RBFOX1: variants seen among roughly 807,000 people sequenced by gnomAD.
The protein encoded by RBFOX1 is RNA binding protein fox-1 homolog 1.
Under a neutral mutation model 57.7 loss-of-function variants are expected in RBFOX1, and 8 were observed. That is an observed-to-expected ratio of 0.14 (90% CI 0.08 to 0.25). The LOEUF (loss-of-function observed/expected upper bound fraction) is 0.25, where lower values mean the gene tolerates loss of function less well. Among genes scored for constraint, RBFOX1 ranks in the 10% least tolerant of loss-of-function variants. RBFOX1 has a pLI of 1.00. For missense variants in RBFOX1, 611 were observed against 548.5 expected (o/e 1.11, Z -1.14); for synonymous variants, 326 against 222.4 (o/e 1.47, Z -4.15).
chr16:5,993,497 A>G (rs913708406), intron 4 of RBFOX1, among the ~76,000 whole-genome samples: 6 of 152,176 alleles, frequency 3.9e-5, no homozygotes, highest in African/African-American at 1.4e-4. Flanking sequence ...TGAAGGAGGC[A>G]GAAAATACAG....
intron 1 of RBFOX1, chr16:6,038,551 T>TGAAG (rs2095398360): frequency 7.4e-6 from 1 of 135,010 alleles, no homozygotes; most frequent in African/African-American, 2.7e-5. Flanking sequence ...TATATATATA[T>TGAAG]CATCCATATA....
At chr16:5,556,402 T>C (rs1046825131) in intron 2 of RBFOX1, among the ~76,000 whole-genome samples, 1 of 152,222 alleles carries the variant, frequency 6.6e-6, no homozygotes, top group African/African-American at 2.4e-5. Flanking sequence ...GCTAGTTTGT[T>C]CTATGGCTTG....
At position 6,810,841 on chromosome 16, in the gene RBFOX1, G is replaced by T. The variant is rs376592874; in HGVS notation, c.-16+156191G>T. Among the ~76,000 whole-genome samples the T allele has an allele frequency of 4.6e-5, 7 of 152,184 alleles. No individual in the cohort carries two copies. In the South Asian group the frequency reaches 1.2e-3, roughly 27 times the overall value. On this transcript the variant is annotated intron_variant, in intron 3 of 15. Transcript: ENST00000550418. Reference sequence around the variant, plus strand: ...GGAGAACAGTGTGCCGGGAAAGGTCGCCATGATCCAATCACAAGCCTCCCT... The same window carrying T: ...GGAGAACAGTGTGCCGGGAAAGGTCTCCATGATCCAATCACAAGCCTCCCT...
chr16:5,300,939 TC>T (rs997686883), intron 1 of RBFOX1, among the ~76,000 whole-genome samples: 1 of 152,236 alleles, frequency 6.6e-6, no homozygotes. Context: ...TGTCTGTCTC[TC>T]TCTCGCTCTT....
intron 2 of RBFOX1, among the ~76,000 whole-genome samples, chr16:6,404,516 G>A (rs573282011): frequency 2.2e-4 from 33 of 152,188 alleles, no homozygotes; most frequent in Non-Finnish European, 3.8e-4. Context: ...TACTACAAAT[G>A]GAGTGCGTGT....
intron 1 of RBFOX1, among the ~76,000 whole-genome samples, chr16:5,386,497 T>G (rs2066261080): frequency 6.6e-6 from 1 of 152,022 alleles, no homozygotes; most frequent in Non-Finnish European, 1.5e-5. Flanking sequence ...ATTTTCTGCT[T>G]TCCCCCCGTA....
chr16:7,308,032 A>G lies in RBFOX1; in HGVS notation c.28-210115A>G, dbSNP rs557381510. 1.6e-4 allele frequency among the ~76,000 whole-genome samples: 24 copies of G among 152,350 alleles called. 1 individual carries two copies. In the South Asian group the frequency reaches 4.1e-3, roughly 26 times the overall value. On this transcript the variant is annotated intron_variant, in intron 4 of 15. Coordinates refer to ENST00000550418, the MANE Select transcript of RBFOX1 (RefSeq NM_018723.4). ...GCTTTGAGGAATAATTCTGAATACA[A>G]TTCCACATTAGGGGGTTTGCAGCAA...
At chr16:6,685,983 C>G (rs191747578) in intron 3 of RBFOX1, among the ~76,000 whole-genome samples, 1 of 152,252 alleles carries the variant, frequency 6.6e-6, no homozygotes, top group East Asian at 1.9e-4. Context: ...CAAGCAGGTT[C>G]TGTCTAGCTT....
chr16:5,870,785 A>G (rs1597579226), intron 4 of RBFOX1, among the ~76,000 whole-genome samples: 1 of 152,088 alleles, frequency 6.6e-6, no homozygotes, highest in African/African-American at 2.4e-5. Context: ...ATCCATATTC[A>G]TGGCATGTTC....
At chr16:6,709,274 C>A (rs900588087) in intron 3 of RBFOX1, among the ~76,000 whole-genome samples, 1 of 152,104 alleles carries the variant, frequency 6.6e-6, no homozygotes, top group Admixed American at 6.5e-5. Flanking sequence ...TTTTAAGCAT[C>A]TAACTGTGCA....
At chr16:6,548,512 C>G (rs892660901) in intron 2 of RBFOX1, among the ~76,000 whole-genome samples, 2 of 152,058 alleles carry the variant, frequency 1.3e-5, no homozygotes, top group Non-Finnish European at 2.9e-5. Flanking sequence ...TCTTCAGTTC[C>G]AAGTGAAAAA....
chr16:6,403,671 T>C (rs2093167897), intron 2 of RBFOX1, among the ~76,000 whole-genome samples: 2 of 152,174 alleles, frequency 1.3e-5, no homozygotes, highest in African/African-American at 4.8e-5. Flanking sequence ...ACACTTCTGA[T>C]GAGCCCAATA....
chr16:5,784,198 G>T (rs1444877991), intron 3 of RBFOX1, among the ~76,000 whole-genome samples: 1 of 152,080 alleles, frequency 6.6e-6, no homozygotes, highest in Non-Finnish European at 1.5e-5. Flanking sequence ...AAGGCAGGTG[G>T]ATCACGAGGT....
intron 4 of RBFOX1, among the ~76,000 whole-genome samples, chr16:7,460,389 A>ATATATATATATATATATGTATGTG: frequency 1.1e-5 from 1 of 87,264 alleles, no homozygotes; most frequent in African/African-American, 6.5e-5. Flanking sequence ...ATATATATAT[A>ATATATATATATATATATGTATGTG]TGTGTGTGTG....
intron 3 of RBFOX1, among the ~76,000 whole-genome samples, chr16:5,788,530 G>C (rs2054586898): frequency 1.3e-5 from 2 of 152,048 alleles, no homozygotes; most frequent in Admixed American, 6.5e-5. Context: ...TTGGGAGGCT[G>C]AGGCAGGAGC....
At chr16:6,730,452 TTATC>T (rs139553132) in intron 3 of RBFOX1, among the ~76,000 whole-genome samples, 137,683 of 152,070 alleles carry the variant, frequency 0.91, 63,967 homozygotes, top group East Asian at 1. Flanking sequence ...ATTTATCAAA[TTATC>T]TAATCTATCC....
At chr16:6,928,014 C>G (rs1488346463) in intron 3 of RBFOX1, among the ~76,000 whole-genome samples, 1 of 152,134 alleles carries the variant, frequency 6.6e-6, no homozygotes, top group African/African-American at 2.4e-5. Flanking sequence ...GCTTCCACCC[C>G]CAGCACCCAC....
At chr16:7,221,363 A>AT (rs1034337950) in intron 4 of RBFOX1, among the ~76,000 whole-genome samples, 6 of 146,460 alleles carry the variant, frequency 4.1e-5, no homozygotes, top group African/African-American at 1.6e-4. Flanking sequence ...TTATTTATTT[A>AT]TTTTTTTATT....
chr16:7,557,103 A>C (rs1320466954), intron 5 of RBFOX1, among the ~76,000 whole-genome samples: 1 of 152,114 alleles, frequency 6.6e-6, no homozygotes, highest in Non-Finnish European at 1.5e-5. Context: ...CCACAGAGCG[A>C]GTATTATAAA....
Sources: allele counts gnomAD v4.1 joint callset (sites outside exome capture counted in the v4.1 genomes callset), GRCh38; gene constraint gnomAD v4.1.1; transcripts MANE v1.5; gene names NCBI Gene and HGNC (gene_info 2026-07-23, HGNC 2026-07-21).